ARHGAP18: variants seen among roughly 807,000 people sequenced by gnomAD.
ARHGAP18 encodes Rho GTPase activating protein 18, also known as rho GTPase-activating protein 18.
A neutral mutation model predicts 86.2 loss-of-function variants in ARHGAP18; 67 were observed. The observed-to-expected ratio is 0.78, with a 90% confidence interval of 0.64 to 0.95. The LOEUF (loss-of-function observed/expected upper bound fraction) is 0.95. Among genes scored for constraint, ARHGAP18 ranks in the 40% least tolerant of loss-of-function variants. ARHGAP18 has a pLI of 0.00. For synonymous variants in ARHGAP18, 283 were observed against 280.4 expected, an observed-to-expected ratio of 1.01 and a Z score of -0.09; for missense variants, 691 against 780.4, an observed-to-expected ratio of 0.89 and a Z score of 1.37.
At chr6:129,688,805 T>A (rs1774477443) in intron 1 of ARHGAP18, among the ~76,000 whole-genome samples, 1 of 144,646 alleles carries the variant, frequency 6.9e-6, no homozygotes, top group African/African-American at 2.6e-5. Flanking sequence ...AAAAAAAAAA[T>A]ATGCCTTATC....
chr6:129,625,948 TTATATATTATATATTTATATATTA>T, intron 5 of ARHGAP18, among the ~76,000 whole-genome samples: 2 of 59,104 alleles, frequency 3.4e-5, no homozygotes, highest in East Asian at 3.4e-4. Flanking sequence ...TATTATATAT[TTATATATTATATATTTATATATTA>T]TATATATTTA....
chr6:129,604,271 A>G (rs1788808752), intron 10 of ARHGAP18, among the ~76,000 whole-genome samples: 1 of 151,936 alleles, frequency 6.6e-6, no homozygotes. Flanking sequence ...ACTATCCTAT[A>G]ATTTTAAAAC....
chr6:129,706,885 CAAAA>C (rs34099358), intron 1 of ARHGAP18, among the ~76,000 whole-genome samples: 2 of 61,038 alleles, frequency 3.3e-5, no homozygotes, highest in Non-Finnish European at 3.0e-5. Flanking sequence ...GACTCTGTCT[CAAAA>C]AAAAAAAAAA....
chr6:129,635,709 C>T lies in ARHGAP18; in HGVS notation c.553-1604G>A, dbSNP rs77040972. Among the ~76,000 whole-genome samples, 173 of 152,330 alleles carry T rather than the reference C, an allele frequency of 1.1e-3. 2 individuals carry two copies. The highest frequency in any genetic ancestry group is 4.0e-3 in the African/African-American group (166 of 41,570). On this transcript the variant is annotated intron_variant, in intron 3 of 14. Coordinates refer to ENST00000368149, the MANE Select transcript of ARHGAP18 (RefSeq NM_033515.3). Reference sequence around the variant, plus strand: ...ATACACTCACTCAAAAGTAGAAGAACTGCAAGTGAAGATGGCTGGCCCAAG... The same window carrying T: ...ATACACTCACTCAAAAGTAGAAGAATTGCAAGTGAAGATGGCTGGCCCAAG...
chr6:129,641,314 C>G (rs996288910), intron 2 of ARHGAP18, among the ~76,000 whole-genome samples: 2 of 152,142 alleles, frequency 1.3e-5, no homozygotes, highest in Admixed American at 1.3e-4. Flanking sequence ...AATAGAAGAG[C>G]CTTCTTCTGT....
At chr6:129,693,496 C>T (rs1774561990) in intron 1 of ARHGAP18, among the ~76,000 whole-genome samples, 1 of 152,158 alleles carries the variant, frequency 6.6e-6, no homozygotes, top group Non-Finnish European at 1.5e-5. Context: ...GCTCTATCTA[C>T]AGGAATTCTT....
chr6:129,610,576 T>C (rs757017908), intron 8 of ARHGAP18, among the ~76,000 whole-genome samples: 8 of 152,150 alleles, frequency 5.3e-5, no homozygotes, highest in Non-Finnish European at 8.8e-5. Flanking sequence ...AGACTAATTA[T>C]GCATAGGATG....
At chr6:129,608,616 T>G (rs956170305) in intron 8 of ARHGAP18, among the ~76,000 whole-genome samples, 1 of 152,168 alleles carries the variant, frequency 6.6e-6, no homozygotes, top group Admixed American at 6.5e-5. Context: ...TGCTGCCAGC[T>G]GCAAAAAACA....
At chr6:129,583,294 A>G (rs1788325193) in intron 13 of ARHGAP18, among the ~76,000 whole-genome samples, 2 of 152,222 alleles carry the variant, frequency 1.3e-5, no homozygotes, top group African/African-American at 4.8e-5. Context: ...TCAAAGGGCA[A>G]AACCTGAAAA....
At chr6:129,644,166 T>C (rs1318279306) in intron 1 of ARHGAP18, among the ~76,000 whole-genome samples, 5 of 152,124 alleles carry the variant, frequency 3.3e-5, no homozygotes, top group African/African-American at 1.2e-4. Context: ...TTTCCTTAAG[T>C]CTCCATTGTT....
chr6:129,667,536 C>A (rs550875614), intron 1 of ARHGAP18, among the ~76,000 whole-genome samples: 1 of 147,550 alleles, frequency 6.8e-6, no homozygotes, highest in African/African-American at 2.5e-5. Flanking sequence ...GCATATATAT[C>A]TTTAGATTCA....
At chr6:129,639,909 G>A (rs1321399011) in intron 2 of ARHGAP18, among the ~76,000 whole-genome samples, 1 of 151,960 alleles carries the variant, frequency 6.6e-6, no homozygotes, top group Non-Finnish European at 1.5e-5. Context: ...GCTGGGCATG[G>A]TAGTACATGC....
intron 1 of ARHGAP18, among the ~76,000 whole-genome samples, chr6:129,659,420 C>A (rs1048468983): frequency 6.6e-6 from 1 of 152,132 alleles, no homozygotes; most frequent in East Asian, 1.9e-4. Flanking sequence ...AACTGTGGAA[C>A]GCAGGTGTAC....
intron 1 of ARHGAP18, among the ~76,000 whole-genome samples, chr6:129,659,776 A>G (rs528549206): frequency 6.6e-6 from 1 of 152,324 alleles, no homozygotes; most frequent in East Asian, 1.9e-4. Flanking sequence ...GGCAACAAAG[A>G]CATGTGCAAC....
At chr6:129,618,973 A>T (rs1325331000) in intron 5 of ARHGAP18, 121 bp from the exon 6 acceptor site, 1 of 893,676 alleles carries the variant, frequency 1.1e-6, no homozygotes, top group East Asian at 2.6e-5. Context: ...GAAAAGCCAC[A>T]GAATTTCTCC....
intron 1 of ARHGAP18, among the ~76,000 whole-genome samples, chr6:129,696,771 C>T (rs1231100028): frequency 6.6e-6 from 1 of 152,152 alleles, no homozygotes; most frequent in Non-Finnish European, 1.5e-5. Context: ...ATTTTAAAGT[C>T]AAGCTCCAGG....
chr6:129,610,609 GTCTATGATCCT>G (rs1045770652), intron 8 of ARHGAP18, among the ~76,000 whole-genome samples: 5 of 152,106 alleles, frequency 3.3e-5, no homozygotes, highest in African/African-American at 1.2e-4. Flanking sequence ...ATCTGCAGGA[GTCTATGATCCT>G]GGCCTTTTTC....
At chr6:129,595,774 C>A (rs1788604747) in intron 12 of ARHGAP18, among the ~76,000 whole-genome samples, 1 of 152,152 alleles carries the variant, frequency 6.6e-6, no homozygotes, top group Non-Finnish European at 1.5e-5. Context: ...TTTCAAATAT[C>A]CCCACTTAAA....
intron 12 of ARHGAP18, among the ~76,000 whole-genome samples, chr6:129,594,487 C>G (rs1346018304): frequency 6.6e-6 from 1 of 152,162 alleles, no homozygotes; most frequent in Non-Finnish European, 1.5e-5. Context: ...TTTTCTTACT[C>G]CATATATCCA....
Sources: gnomAD v4.1 joint callset for allele counts (sites outside exome capture counted in the v4.1 genomes callset) on GRCh38, gnomAD v4.1.1 for gene constraint, MANE v1.5 for transcripts, NCBI Gene and HGNC (gene_info 2026-07-23, HGNC 2026-07-21) for gene names.